The following REDIC1 variants were observed in gnomAD, a reference collection of about 807,000 sequenced individuals.
REDIC1 encodes regulator of DNA class I crossover intermediates 1.
the REDIC1 span, among the ~76,000 whole-genome samples, chr12:39,637,313 A>G: frequency 6.6e-6 from 1 of 152,176 alleles, no homozygotes; most frequent in East Asian, 1.9e-4. Flanking sequence ...TGTTCATTCA[A>G]ACTTTCATTG....
chr12:39,699,977 C>T, the REDIC1 span, among the ~76,000 whole-genome samples: 1 of 151,818 alleles, frequency 6.6e-6, no homozygotes, highest in Non-Finnish European at 1.5e-5. Flanking sequence ...GATAAAACCA[C>T]AAAGATGGGG....
chr12:39,870,906 T>C, the REDIC1 span, among the ~76,000 whole-genome samples: 1 of 152,208 alleles, frequency 6.6e-6, no homozygotes, highest in Admixed American at 6.5e-5. Context: ...GATGAGTGAC[T>C]GAAACAGTTC....
chr12:39,688,668 C>G, the REDIC1 span, among the ~76,000 whole-genome samples: 1 of 152,014 alleles, frequency 6.6e-6, no homozygotes, highest in Non-Finnish European at 1.5e-5. Context: ...TTGATTCTAG[C>G]AACAATGAGG....
chr12:39,671,956 T>C, the REDIC1 span, among the ~76,000 whole-genome samples: 1 of 152,078 alleles, frequency 6.6e-6, no homozygotes, highest in South Asian at 2.1e-4. Flanking sequence ...GGAGGTATGC[T>C]TGGGCAGTGG....
At chr12:39,808,184 T>G in the REDIC1 span, among the ~76,000 whole-genome samples, 1 of 152,182 alleles carries the variant, frequency 6.6e-6, no homozygotes, top group Non-Finnish European at 1.5e-5. Flanking sequence ...TCTAGAATTT[T>G]ATATAAATAC....
the REDIC1 span, among the ~76,000 whole-genome samples, chr12:39,807,316 C>A: frequency 6.6e-6 from 1 of 152,102 alleles, no homozygotes; most frequent in African/African-American, 2.4e-5. Context: ...CATATGATAA[C>A]ACTGTATAAA....
the REDIC1 span, among the ~76,000 whole-genome samples, chr12:39,820,492 AC>A: frequency 1.8e-4 from 28 of 152,098 alleles, no homozygotes; most frequent in Non-Finnish European, 3.8e-4. Flanking sequence ...GTAGTGGAAA[AC>A]TATTTTGTTT....
At chr12:39,740,657 C>G in the REDIC1 span, among the ~76,000 whole-genome samples, 1 of 152,008 alleles carries the variant, frequency 6.6e-6, no homozygotes, top group South Asian at 2.1e-4. Context: ...CTGTGCTGTG[C>G]TATAGTTAAA....
At chr12:39,750,838 T>C in the REDIC1 span, among the ~76,000 whole-genome samples, 31 of 152,102 alleles carry the variant, frequency 2.0e-4, no homozygotes, top group South Asian at 4.8e-3. Context: ...ATAAATGATG[T>C]GGGGAAAACT....
At chr12:39,743,013 G>A in the REDIC1 span, among the ~76,000 whole-genome samples, 14 of 152,158 alleles carry the variant, frequency 9.2e-5, no homozygotes, top group South Asian at 1.9e-3. Flanking sequence ...CCACCTTCAC[G>A]GACACACTTT....
At chr12:39,727,587 G>T in the REDIC1 span, among the ~76,000 whole-genome samples, 1 of 151,296 alleles carries the variant, frequency 6.6e-6, no homozygotes, top group East Asian at 1.9e-4. Flanking sequence ...TTTGCTTAGG[G>T]TTGTCTTGGC....
At chr12:39,812,359 TTTCTTTTC>T in the REDIC1 span, among the ~76,000 whole-genome samples, 1 of 145,676 alleles carries the variant, frequency 6.9e-6, no homozygotes, top group Non-Finnish European at 1.5e-5. Context: ...TTTCTTTTCT[TTTCTTTTC>T]TTTTCTTTTC....
chr12:39,833,644 A>G, the REDIC1 span, among the ~76,000 whole-genome samples: 2 of 152,090 alleles, frequency 1.3e-5, no homozygotes, highest in Non-Finnish European at 2.9e-5. Context: ...TATTGATACA[A>G]ATACACATTC....
chr12:39,731,254 A>G, the REDIC1 span, among the ~76,000 whole-genome samples: 45 of 152,218 alleles, frequency 3.0e-4, no homozygotes, highest in African/African-American at 1.1e-3. Flanking sequence ...TGGAATTTTC[A>G]GCCTTTTTGT....
the REDIC1 span, among the ~76,000 whole-genome samples, chr12:39,674,907 G>T: frequency 8.4e-3 from 1,273 of 152,304 alleles, 23 homozygotes; most frequent in African/African-American, 0.029. Context: ...GAATCTTGGC[G>T]GTGGGGTGCG....
At chr12:39,896,266 GTATA>G in the REDIC1 span, among the ~76,000 whole-genome samples, 1 of 137,114 alleles carries the variant, frequency 7.3e-6, no homozygotes, top group South Asian at 2.3e-4. Flanking sequence ...GTATATGTGT[GTATA>G]TATGTATACA....
chr12:39,885,070 G>C, the REDIC1 span, among the ~76,000 whole-genome samples: 1 of 152,238 alleles, frequency 6.6e-6, no homozygotes, highest in South Asian at 2.1e-4. Context: ...GATATGAATT[G>C]TGACTACATT....
chr12:39,731,589 C>T, the REDIC1 span, among the ~76,000 whole-genome samples: 1 of 152,156 alleles, frequency 6.6e-6, no homozygotes, highest in African/African-American at 2.4e-5. Context: ...GTCTGTCAAC[C>T]CCTGCTGGGA....
the REDIC1 span, among the ~76,000 whole-genome samples, chr12:39,658,712 G>A: frequency 2.0e-5 from 3 of 151,622 alleles, no homozygotes; most frequent in Non-Finnish European, 4.4e-5. Flanking sequence ...TCATCTCTTT[G>A]TTTATTAGCT....
Sources: gnomAD v4.1 joint callset for allele counts (sites outside exome capture counted in the v4.1 genomes callset) on GRCh38, gnomAD v4.1.1 for gene constraint, MANE v1.5 for transcripts, NCBI Gene and HGNC (gene_info 2026-07-23, HGNC 2026-07-21) for gene names.